Variants in ASXL2 observed in about 807,000 individuals in gnomAD.
ASXL2 encodes putative Polycomb group protein ASXL2.
Under a neutral mutation model 122.0 loss-of-function variants are expected in ASXL2, and 23 were observed. That is an observed-to-expected ratio of 0.19 (90% CI 0.14 to 0.27). ASXL2 has a LOEUF of 0.27. Ranked by LOEUF, ASXL2 falls within the 10% of genes least tolerant of loss-of-function variation. ASXL2 has a pLI of 1.00. For missense variants in ASXL2, 1,518 were observed against 1,713.8 expected (o/e 0.89, Z 2.02); for synonymous variants, 650 against 637.0 (o/e 1.02, Z -0.31).
At chr2:25,767,443 A>G in intron 8 of ASXL2, 140 bp downstream of exon 8, 11 of 847,610 alleles carry the variant, frequency 1.3e-5, no homozygotes, top group Non-Finnish European at 1.6e-5. Context: ...TATGTTAGCA[A>G]CAAAAAAAAC....
intron 5 of ASXL2, among the ~76,000 whole-genome samples, chr2:25,783,401 C>G (rs1239046125): frequency 6.8e-6 from 1 of 147,464 alleles, no homozygotes; most frequent in East Asian, 2.0e-4. Context: ...TGGTTTTTTC[C>G]TTTAAAAAAA....
At chr2:25,839,028 A>G (rs769840866) in intron 2 of ASXL2, among the ~76,000 whole-genome samples, 4 of 152,234 alleles carry the variant, frequency 2.6e-5, no homozygotes, top group Non-Finnish European at 5.9e-5. Flanking sequence ...AAACCCAATA[A>G]ACAAAATCTC....
At chr2:25,799,556 T>A (rs368476706) in intron 4 of ASXL2, 21 bp from the exon 5 acceptor site, 2 of 1,602,424 alleles carry the variant, frequency 1.2e-6, no homozygotes, top group African/African-American at 2.7e-5. Flanking sequence ...AGGCATCCAA[T>A]TAGGATTAAT....
intron 1 of ASXL2, among the ~76,000 whole-genome samples, chr2:25,849,394 A>G (rs1471303736): frequency 1.4e-5 from 2 of 145,340 alleles, no homozygotes; most frequent in Admixed American, 1.5e-4. Context: ...CAGAGGCTAC[A>G]GTGAGACGAG....
chr2:25,752,336 T>C (rs2088059259), intron 11 of ASXL2, among the ~76,000 whole-genome samples: 1 of 152,174 alleles, frequency 6.6e-6, no homozygotes, highest in South Asian at 2.1e-4. Flanking sequence ...TTGGATCTTT[T>C]GTTGGGGGGG....
intron 1 of ASXL2, among the ~76,000 whole-genome samples, chr2:25,868,845 A>G (rs887930824): frequency 1.4e-4 from 22 of 152,252 alleles, no homozygotes; most frequent in Middle Eastern, 6.8e-3. Context: ...CATGAGCAAC[A>G]TGCTGAAACC....
intron 5 of ASXL2, among the ~76,000 whole-genome samples, chr2:25,795,625 T>C (rs1469861994): frequency 1.3e-5 from 2 of 152,180 alleles, no homozygotes; most frequent in Non-Finnish European, 2.9e-5. Flanking sequence ...TAATATTGAT[T>C]TCCCTGTCCC....
chr2:25,763,102 C>T (rs1006156412), intron 8 of ASXL2, among the ~76,000 whole-genome samples: 1 of 152,126 alleles, frequency 6.6e-6, no homozygotes, highest in Admixed American at 6.6e-5. Flanking sequence ...GAGAACTGGA[C>T]AAACCCACCA....
intron 3 of ASXL2, among the ~76,000 whole-genome samples, chr2:25,825,058 G>A (rs922443083): frequency 2.0e-5 from 3 of 152,142 alleles, no homozygotes; most frequent in African/African-American, 7.2e-5. Flanking sequence ...TCATTGCATT[G>A]TGAGCAGAAG....
intron 1 of ASXL2, among the ~76,000 whole-genome samples, chr2:25,858,111 CAT>C (rs1389146647): frequency 2.0e-5 from 3 of 152,300 alleles, no homozygotes; most frequent in Admixed American, 1.3e-4. Flanking sequence ...TGAATCTCCA[CAT>C]ATATGACACT....
chr2:25,858,048 G>A (rs1203404398), intron 1 of ASXL2, among the ~76,000 whole-genome samples: 2 of 151,960 alleles, frequency 1.3e-5, no homozygotes, highest in African/African-American at 2.4e-5. Flanking sequence ...AGCAGTGCCT[G>A]GCATATAGTA....
Position 25,743,012 on chromosome 2 carries a change from C to G in ASXL2, c.3325G>C (p.Gly1109Arg), listed in dbSNP as rs753372695. ...DISTSQRFMLGFAGRRTSKPA... is the reference protein window; with the variant it reads ...DISTSQRFMLRFAGRRTSKPA... ...TTGGATGTCCTTCTGCCAGCAAAAC[C>G]CAGCATGAACCTCTGGCTTGTGGAG... Residue 1109 changes from glycine (G) to arginine (R), a missense_variant, in exon 13 of 13, where the codon GGT becomes CGT. Physicochemically the swap from Gly to Arg is moderately radical, Grantham distance 125. Coordinates refer to ENST00000435504, the MANE Select transcript of ASXL2 (RefSeq NM_018263.6). The G allele has an allele frequency of 6.2e-7, 1 of 1,614,016 alleles. No homozygotes were observed. The highest frequency in any genetic ancestry group is 1.1e-5 in the South Asian group (1 of 91,082).
At chr2:25,825,180 T>C (rs548913975) in intron 3 of ASXL2, among the ~76,000 whole-genome samples, 3 of 152,344 alleles carry the variant, frequency 2.0e-5, no homozygotes, top group African/African-American at 4.8e-5. Context: ...GTTAAAGGCA[T>C]ACCTCTGCTC....
chr2:25,860,341 T>A (rs140422954), intron 1 of ASXL2, among the ~76,000 whole-genome samples: 135 of 150,996 alleles, frequency 8.9e-4, no homozygotes, highest in African/African-American at 2.5e-3. Flanking sequence ...AACAAAAAAA[T>A]ATATATATAA....
At chr2:25,847,651 T>TA (rs1251136403) in intron 1 of ASXL2, among the ~76,000 whole-genome samples, 3 of 152,296 alleles carry the variant, frequency 2.0e-5, no homozygotes, top group Admixed American at 6.5e-5. Context: ...AAAAATGTAT[T>TA]AAAGTACTGA....
rs34006530 is a variant in ASXL2, at chr2:25,811,055, TACACACACACACAC to T, written c.144-4732_144-4719del. On this transcript the variant is annotated intron_variant, in intron 3 of 12. Transcript: ENST00000435504. ...CCTGTCTCTACAAAAAATACAAAAA[TACACACACACACAC>T]ACACACACACACACACACACACACA... 5.2e-4 allele frequency among the ~76,000 whole-genome samples: 60 copies of T among 116,432 alleles called. No homozygotes were observed. In the South Asian group the frequency reaches 0.012, roughly 24 times the overall value. 76.4% of individuals were successfully genotyped at this position (116,432 alleles called of 152,430 possible).
At position 25,743,572 on chromosome 2, in the gene ASXL2, G is replaced by T. The variant is rs1287000788; in HGVS notation, c.2765C>A (p.Ala922Glu). Residue 922 changes from alanine (A) to glutamate (E), a missense_variant, in exon 13 of 13, where the codon GCA (alanine) becomes GAA (glutamate). Physicochemically the swap from Ala to Glu is moderately radical, Grantham distance 107 (BLOSUM62 -1). Around this residue, in one of 8 missense-constraint regions of ASXL2, gnomAD observed 831 missense variants for 833.1 expected, o/e 1.00. Transcript: ENST00000435504. Reference protein sequence around the residue: ...GSAPPSSTLPAASSLKTPGTS... With the variant: ...GSAPPSSTLPEASSLKTPGTS... ...TCCTGGGGTTTTAAGGCTAGAAGCT[G>T]CTGGCAAAGTGCTCGAGGGTGGAGC... 6.2e-7 allele frequency: 1 copy of T among 1,613,940 alleles called. No homozygotes were observed. The highest frequency in any genetic ancestry group is 1.3e-5 in the African/African-American group (1 of 74,936).
At chr2:25,840,575 A>G (rs950969797) in intron 2 of ASXL2, among the ~76,000 whole-genome samples, 6 of 152,144 alleles carry the variant, frequency 3.9e-5, no homozygotes, top group Admixed American at 3.9e-4. Flanking sequence ...CTTTCTCTCT[A>G]TGAACTTACC....
At chr2:25,865,452 A>C (rs2089891192) in intron 1 of ASXL2, among the ~76,000 whole-genome samples, 1 of 149,330 alleles carries the variant, frequency 6.7e-6, no homozygotes, top group African/African-American at 2.5e-5. Flanking sequence ...TAAAAATAAA[A>C]ATGTTATAAA....
Sources: gnomAD v4.1 joint callset for allele counts (sites outside exome capture counted in the v4.1 genomes callset) on GRCh38, gnomAD v4.1.1 for gene constraint, gnomAD v4.1.1 regional missense constraint, MANE v1.5 for transcripts, NCBI Gene and HGNC (gene_info 2026-07-23, HGNC 2026-07-21) for gene names.